The following ATOSB variants were observed in gnomAD, a reference collection of about 807,000 sequenced individuals.
ATOSB encodes atos homolog protein B.
chr9:35,108,130 G>C, the ATOSB span: 5 of 1,570,386 alleles, frequency 3.2e-6, no homozygotes, highest in South Asian at 2.3e-5. Flanking sequence ...ATGGATACCT[G>C]GTAGACCCCG....
At chr9:35,107,399 C>T in the ATOSB span, 1 of 1,613,138 alleles carries the variant, frequency 6.2e-7, no homozygotes, top group Middle Eastern at 1.7e-4. Flanking sequence ...GCTCTTTGGG[C>T]CCAGGCAGCA....
the ATOSB span, chr9:35,111,631 G>C: frequency 6.6e-6 from 1 of 151,028 alleles, no homozygotes; most frequent in African/African-American, 2.5e-5. Context: ...CCGCGCCGCG[G>C]CGGCCACGGC....
At chr9:35,111,709 G>A in the ATOSB span, 1 of 150,294 alleles carries the variant, frequency 6.7e-6, no homozygotes, top group Non-Finnish European at 1.5e-5. Context: ...TAGGAAGCCA[G>A]CCTCCCCGCG....
the ATOSB span, among the ~76,000 whole-genome samples, chr9:35,113,921 C>G: frequency 6.6e-6 from 1 of 152,170 alleles, no homozygotes; most frequent in Non-Finnish European, 1.5e-5. Context: ...GAACAGCAAT[C>G]CGGCGATCTG....
chr9:35,105,498 C>A, the ATOSB span: 1 of 1,247,678 alleles, frequency 8.0e-7, no homozygotes, highest in Non-Finnish European at 1.1e-6. This position sits in a 1 kb window ranked among gnomAD's most constrained non-coding sequence, Gnocchi z 5.5. Flanking sequence ...TGGAGACCAG[C>A]CTAAGCAACA....
the ATOSB span, chr9:35,107,857 C>T: frequency 6.3e-7 from 1 of 1,598,398 alleles, no homozygotes; most frequent in Non-Finnish European, 8.5e-7. Context: ...GGACTCCAGG[C>T]CCCCGAAGTC....
At chr9:35,114,719 A>C in the ATOSB span, among the ~76,000 whole-genome samples, 2 of 151,972 alleles carry the variant, frequency 1.3e-5, no homozygotes, top group Non-Finnish European at 2.9e-5. Flanking sequence ...CACCTCTCAA[A>C]ACAGACAGAA....
chr9:35,114,237 GGA>G, the ATOSB span, among the ~76,000 whole-genome samples: 1 of 152,202 alleles, frequency 6.6e-6, no homozygotes, highest in Non-Finnish European at 1.5e-5. Context: ...TGAGGAAGCT[GGA>G]GAGTCTGCCC....
chr9:35,111,844 C>A, the ATOSB span, among the ~76,000 whole-genome samples: 1 of 152,210 alleles, frequency 6.6e-6, no homozygotes, highest in Admixed American at 6.5e-5. Context: ...CAAAGCAACA[C>A]CCTGCCCTGC....
chr9:35,109,745 C>G, the ATOSB span: 1 of 152,334 alleles, frequency 6.6e-6, no homozygotes, highest in African/African-American at 2.4e-5. Flanking sequence ...GCATCTCTCC[C>G]TTCTCTGAGA....
chr9:35,106,299 C>A, the ATOSB span: 1 of 1,614,166 alleles, frequency 6.2e-7, no homozygotes, highest in Non-Finnish European at 8.5e-7. This position sits in a 1 kb window ranked among gnomAD's most constrained non-coding sequence, Gnocchi z 4.6. Context: ...AAGAATGTGA[C>A]AGTGACAGGC....
the ATOSB span, chr9:35,106,163 T>C: frequency 6.4e-7 from 1 of 1,569,776 alleles, no homozygotes; most frequent in Non-Finnish European, 8.7e-7. The surrounding 1 kb of genome is among the most constrained non-coding windows in gnomAD (Gnocchi z 4.6). Flanking sequence ...AGGTGAGGAA[T>C]AAGTAAGAAA....
the ATOSB span, chr9:35,108,561 G>T: frequency 8.2e-7 from 1 of 1,216,542 alleles, no homozygotes. Context: ...CTTCTTACTG[G>T]ACACACTTCC....
the ATOSB span, chr9:35,104,395 G>A: frequency 6.1e-6 from 1 of 163,194 alleles, no homozygotes; most frequent in Non-Finnish European, 1.4e-5. Context: ...GGTGAGAGGA[G>A]GCACCCCAGT....
chr9:35,111,622 C>T, the ATOSB span: 1 of 152,048 alleles, frequency 6.6e-6, no homozygotes. Context: ...CCCCACCACC[C>T]GCGCCGCGGC....
At chr9:35,104,972 A>T in the ATOSB span, 1 of 367,012 alleles carries the variant, frequency 2.7e-6, no homozygotes, top group Non-Finnish European at 4.9e-6. Flanking sequence ...GGGTAGCTCC[A>T]GTTCCTCCCT....
At chr9:35,107,908 G>T in the ATOSB span, 2 of 1,596,528 alleles carry the variant, frequency 1.3e-6, no homozygotes, top group Non-Finnish European at 1.7e-6. Context: ...ACAACACAGA[G>T]GCCACGGTGG....
At chr9:35,107,042 A>AG in the ATOSB span, 1 of 740,512 alleles carries the variant, frequency 1.4e-6, no homozygotes, top group Non-Finnish European at 2.2e-6. Flanking sequence ...CATGAAGGAC[A>AG]GGCGCAGTGG....
the ATOSB span, chr9:35,107,230 G>A: frequency 1.1e-6 from 1 of 933,436 alleles, no homozygotes; most frequent in Non-Finnish European, 1.6e-6. Context: ...GGCTGAGGTT[G>A]GAGGATCCCT....
Sources: allele counts gnomAD v4.1 joint callset (sites outside exome capture counted in the v4.1 genomes callset), GRCh38; gene constraint gnomAD v4.1.1; non-coding constraint Gnocchi (gnomAD v3.1); transcripts MANE v1.5; gene names NCBI Gene and HGNC (gene_info 2026-07-23, HGNC 2026-07-21).